SNTB1: variants seen among roughly 807,000 people sequenced by gnomAD.
The protein encoded by SNTB1 is syntrophin beta 1, also known as beta-1-syntrophin.
In SNTB1, 36 loss-of-function variants were observed where a neutral mutation model predicts 48.9. That is an observed-to-expected ratio of 0.74 (90% CI 0.56 to 0.97). The LOEUF (loss-of-function observed/expected upper bound fraction) is 0.97. Among genes scored for constraint, SNTB1 ranks in the 50% least tolerant of loss-of-function variants. SNTB1 has a pLI of 0.00. For missense variants in SNTB1, 786 were observed against 703.4 expected (o/e 1.12, Z -1.33); for synonymous variants, 299 against 294.6 (o/e 1.01, Z -0.15).
intron 5 of SNTB1, among the ~76,000 whole-genome samples, chr8:120,545,235 T>G (rs1469991238): frequency 1.3e-5 from 2 of 152,078 alleles, no homozygotes; most frequent in African/African-American, 4.8e-5. Context: ...TCCCAGCAAC[T>G]CAGGAGGCTG....
At chr8:120,754,358 G>C (rs1819277024) in intron 1 of SNTB1, among the ~76,000 whole-genome samples, 1 of 152,084 alleles carries the variant, frequency 6.6e-6, no homozygotes, top group South Asian at 2.1e-4. Flanking sequence ...CATTAGCTGG[G>C]TGTGGTGGTG....
At chr8:120,778,825 T>G (rs757184925) in intron 1 of SNTB1, among the ~76,000 whole-genome samples, 1 of 152,228 alleles carries the variant, frequency 6.6e-6, no homozygotes, top group Non-Finnish European at 1.5e-5. Context: ...GAGACTGGAA[T>G]AGTCTAAAAA....
At chr8:120,763,743 AT>A (rs200845344) in intron 1 of SNTB1, among the ~76,000 whole-genome samples, 3,548 of 151,968 alleles carry the variant, frequency 0.023, 138 homozygotes, top group African/African-American at 0.08. Context: ...ATAAATAGAA[AT>A]TTTTTTTAGC....
At chr8:120,799,944 C>T (rs1441613253) in intron 1 of SNTB1, among the ~76,000 whole-genome samples, 1 of 152,060 alleles carries the variant, frequency 6.6e-6, no homozygotes, top group East Asian at 1.9e-4. Flanking sequence ...ATTTCCTGTT[C>T]CATACTAATT....
At chr8:120,652,843 A>C (rs772752692) in intron 2 of SNTB1, among the ~76,000 whole-genome samples, 2 of 152,200 alleles carry the variant, frequency 1.3e-5, no homozygotes, top group African/African-American at 2.4e-5. Context: ...TGGGGGAAAA[A>C]ACTACATTAG....
chr8:120,792,116 C>CACACCCACACACACATACAT (rs1371144430), intron 1 of SNTB1, among the ~76,000 whole-genome samples: 3 of 151,648 alleles, frequency 2.0e-5, no homozygotes, highest in African/African-American at 7.3e-5. Context: ...CACACACACA[C>CACACCCACACACACATACAT]ACACCCACAC....
chr8:120,670,115 G>A (rs1817734507), intron 2 of SNTB1, among the ~76,000 whole-genome samples: 1 of 152,168 alleles, frequency 6.6e-6, no homozygotes, highest in South Asian at 2.1e-4. Context: ...CATTTGTTGA[G>A]CACCTATTAT....
At chr8:120,698,720 G>T (rs1175387542) in intron 1 of SNTB1, among the ~76,000 whole-genome samples, 1 of 152,140 alleles carries the variant, frequency 6.6e-6, no homozygotes, top group East Asian at 1.9e-4. Context: ...AAGCACTCCT[G>T]TCCCCAATCA....
intron 1 of SNTB1, among the ~76,000 whole-genome samples, chr8:120,694,895 A>C (rs79809826): frequency 0.019 from 2,877 of 152,234 alleles, 94 homozygotes; most frequent in African/African-American, 0.063. Flanking sequence ...TACTTTTATA[A>C]ATCTTAAGAA....
At chr8:120,796,858 A>G (rs562277303) in intron 1 of SNTB1, among the ~76,000 whole-genome samples, 1 of 152,172 alleles carries the variant, frequency 6.6e-6, no homozygotes, top group Non-Finnish European at 1.5e-5. Context: ...TGTGTGTTTT[A>G]TATGTATGCT....
intron 1 of SNTB1, among the ~76,000 whole-genome samples, chr8:120,714,267 A>G (rs1193603656): frequency 6.6e-6 from 1 of 152,150 alleles, no homozygotes; most frequent in South Asian, 2.1e-4. Context: ...CATTTAAGAA[A>G]GCAGTGCGTG....
intron 3 of SNTB1, among the ~76,000 whole-genome samples, chr8:120,601,785 C>T (rs1816426302): frequency 6.6e-6 from 1 of 152,220 alleles, no homozygotes; most frequent in African/African-American, 2.4e-5. Flanking sequence ...TGAGGCTTGG[C>T]TTAATCATCC....
Position 120,728,782 on chromosome 8 carries a change from A to G in SNTB1, c.572-34874T>C, listed in dbSNP as rs565617306. 2.6e-5 allele frequency among the ~76,000 whole-genome samples: 4 copies of G among 152,318 alleles called. No homozygotes were observed. The South Asian group carries it at 8.3e-4, about 32-fold the overall frequency. On this transcript the variant is annotated intron_variant, in intron 1 of 6. Coordinates refer to ENST00000517992, the MANE Select transcript of SNTB1 (RefSeq NM_021021.4). Reference sequence around the variant, plus strand: ...TGATTCCATGTCTTAGTTATCGTGAATAATGCTGCAATGAACATATGAGTG... The same window carrying G: ...TGATTCCATGTCTTAGTTATCGTGAGTAATGCTGCAATGAACATATGAGTG...
intron 2 of SNTB1, among the ~76,000 whole-genome samples, chr8:120,644,085 T>C (rs999165175): frequency 6.6e-6 from 1 of 152,084 alleles, no homozygotes; most frequent in African/African-American, 2.4e-5. Flanking sequence ...TTAGCAAATG[T>C]AGAGGGAGAG....
At position 120,538,621 on chromosome 8, in the gene SNTB1, C is replaced by T. The variant is rs1192033551; in HGVS notation, c.*256G>A. On this transcript the variant is annotated 3_prime_UTR_variant, in exon 7 of 7. Coordinates refer to ENST00000517992, the MANE Select transcript of SNTB1 (RefSeq NM_021021.4). ...TTTCAAAGCTATGCTGTGTATTTCCCGTCACCTCACCTCTTTAACCTTGTA... is the reference window on the plus strand; with the variant it reads ...TTTCAAAGCTATGCTGTGTATTTCCTGTCACCTCACCTCTTTAACCTTGTA... 43 of 552,290 alleles carry T rather than the reference C, an allele frequency of 7.8e-5. 3 individuals carry two copies. Among genetic ancestry groups the T allele is most frequent in the South Asian group, 5.5e-4 (36 of 65,406 alleles). 34.2% of individuals were successfully genotyped at this position (552,290 alleles called of 1,614,324 possible).
At chr8:120,558,111 G>A (rs540816963) in intron 4 of SNTB1, among the ~76,000 whole-genome samples, 6 of 152,318 alleles carry the variant, frequency 3.9e-5, no homozygotes, top group African/African-American at 1.4e-4. Flanking sequence ...GCCAGGAACA[G>A]TCTTTTTACA....
Position 120,693,684 on chromosome 8 carries a change from C to T in SNTB1, c.788+8G>A. 6.2e-7 allele frequency: 1 copy of T among 1,613,292 alleles called. No homozygotes were observed. The highest frequency in any genetic ancestry group is 1.3e-5 in the African/African-American group (1 of 75,024). On this transcript the variant is annotated splice_region_variant and intron_variant, in intron 2 of 6. Transcript: ENST00000517992. ...CTTGATACAGTGGAGAGTTTTGACC[C>T]TATTTACCTGTTCTCAGGGTCGGCC...
At chr8:120,565,490 C>T (rs1026478471) in intron 4 of SNTB1, among the ~76,000 whole-genome samples, 3 of 152,120 alleles carry the variant, frequency 2.0e-5, no homozygotes, top group Non-Finnish European at 2.9e-5. Context: ...CCAGAACCCA[C>T]GCTCTGGAGC....
intron 3 of SNTB1, among the ~76,000 whole-genome samples, chr8:120,605,016 C>T (rs1816490186): frequency 6.6e-6 from 1 of 152,258 alleles, no homozygotes; most frequent in South Asian, 2.1e-4. Flanking sequence ...CCTGAATCCC[C>T]AAGTAGAGGT....
Sources: gnomAD v4.1 joint callset for allele counts (sites outside exome capture counted in the v4.1 genomes callset) on GRCh38, gnomAD v4.1.1 for gene constraint, MANE v1.5 for transcripts, NCBI Gene and HGNC (gene_info 2026-07-23, HGNC 2026-07-21) for gene names.